TMEM178A: variants seen among roughly 807,000 people sequenced by gnomAD.
TMEM178A encodes the protein transmembrane protein 178A.
TMEM178A carries 12 observed loss-of-function variants against 29.1 expected under a neutral mutation model. That is an observed-to-expected ratio of 0.41 (90% confidence interval 0.26 to 0.67). TMEM178A has a LOEUF of 0.67. Ranked by LOEUF, TMEM178A falls within the 30% of genes least tolerant of loss-of-function variation. The probability of loss-of-function intolerance (pLI) is 0.29; values close to 1 mark genes in which losing one functional copy is unlikely to be tolerated. For missense variants in TMEM178A, 366 were observed against 419.1 expected, an observed-to-expected ratio of 0.87 and a Z score of 1.11; for synonymous variants, 210 against 187.2, an observed-to-expected ratio of 1.12 and a Z score of -0.99.
At chr2:39,715,511 A>G (rs1163142272) in intron 3 of TMEM178A, among the ~76,000 whole-genome samples, 1 of 152,178 alleles carries the variant, frequency 6.6e-6, no homozygotes, top group Admixed American at 6.5e-5. Context: ...AATTATTTCC[A>G]TCTTGATTTT....
Position 39,666,293 on chromosome 2 carries a change from C to T in TMEM178A, c.319C>T (p.Leu107Phe). The T allele has an allele frequency of 1.4e-6, 2 of 1,426,336 alleles. No individual in the cohort carries two copies. Among genetic ancestry groups the T allele is most frequent in the East Asian group, 6.3e-5 (2 of 31,786 alleles). The allele number at this position is 1,426,336 out of a possible 1,614,324, so 88.4% of individuals were successfully genotyped here. ...GCTGGACGCCGAGTGCGGCCGGCCC[C>T]TCTTCGCCACCTACTCGGGCCTCTG... ...GGLDAECGRPLFATYSGLWRK... is the reference protein window; with the variant it reads ...GGLDAECGRPFFATYSGLWRK... The change falls in exon 1 of 4, where the codon CTC becomes TTC. Residue 107 changes from leucine (L) to phenylalanine (F), a missense_variant. By Grantham distance (22) the Leu-to-Phe change is conservative. Transcript: ENST00000281961.
At chr2:39,665,895 G>C (rs1183276490), upstream of TMEM178A, 11 of 1,235,478 alleles carry the variant, frequency 8.9e-6, no homozygotes, top group Non-Finnish European at 1.0e-5. Flanking sequence ...GGGAGGGAGC[G>C]GGCGGAGAGC....
chr2:39,683,528 A>T (rs1171977181), intron 1 of TMEM178A, among the ~76,000 whole-genome samples: 6 of 152,160 alleles, frequency 3.9e-5, no homozygotes, highest in African/African-American at 1.4e-4. Flanking sequence ...ACAGGAGCTT[A>T]TCCCAGGCAG....
chr2:39,712,662 C>A (rs987701385), intron 3 of TMEM178A, among the ~76,000 whole-genome samples: 1 of 148,392 alleles, frequency 6.7e-6, no homozygotes, highest in Non-Finnish European at 1.5e-5. Context: ...GACTCAGGAA[C>A]CTCTCTCTCT....
intron 1 of TMEM178A, among the ~76,000 whole-genome samples, chr2:39,688,804 C>A (rs1375601780): frequency 6.6e-6 from 1 of 152,140 alleles, no homozygotes; most frequent in Non-Finnish European, 1.5e-5. Context: ...AGTTAACGAG[C>A]CAGCTATAGA....
chr2:39,702,589 A>C (rs559536658), intron 1 of TMEM178A, among the ~76,000 whole-genome samples: 1 of 152,136 alleles, frequency 6.6e-6, no homozygotes, highest in Non-Finnish European at 1.5e-5. Flanking sequence ...CTGACTTATA[A>C]ACAGCTAACT....
chr2:39,684,010 C>G (rs1411254225), intron 1 of TMEM178A, among the ~76,000 whole-genome samples: 1 of 152,176 alleles, frequency 6.6e-6, no homozygotes, highest in African/African-American at 2.4e-5. Flanking sequence ...ATGATCTGTT[C>G]TGTTCACGTA....
intron 3 of TMEM178A, among the ~76,000 whole-genome samples, chr2:39,714,427 A>G (rs1672446002): frequency 1.3e-5 from 2 of 152,242 alleles, no homozygotes; most frequent in Admixed American, 6.5e-5. Flanking sequence ...CAAAGGGACA[A>G]TCAGGTTTCT....
the TMEM178A span, among the ~76,000 whole-genome samples, chr2:39,724,876 G>A: frequency 3.9e-4 from 59 of 152,270 alleles, no homozygotes; most frequent in African/African-American, 1.3e-3. Flanking sequence ...CAAACATGTC[G>A]AGCAGCCTCT....
intron 1 of TMEM178A, among the ~76,000 whole-genome samples, chr2:39,700,819 G>T (rs1300450692): frequency 6.8e-6 from 1 of 147,246 alleles, no homozygotes; most frequent in South Asian, 2.3e-4. Flanking sequence ...TGTTGTTATT[G>T]TTTCATTTAC....
intron 1 of TMEM178A, among the ~76,000 whole-genome samples, chr2:39,669,111 G>T (rs538156772): frequency 6.6e-6 from 1 of 152,086 alleles, no homozygotes; most frequent in African/African-American, 2.4e-5. Context: ...AATTTTAATG[G>T]TAGGAAATGA....
In TMEM178A at chr2:39,710,895, A is replaced by C. The variant is rs142637067; in HGVS notation, c.652+3709A>C. Among the ~76,000 whole-genome samples, 464 of 152,248 alleles carry C rather than the reference A, an allele frequency of 3.0e-3. 2 individuals are homozygous for C. The highest frequency in any genetic ancestry group is 0.011 in the African/African-American group (451 of 41,540). On this transcript the variant is annotated intron_variant, in intron 3 of 3. Coordinates refer to ENST00000281961, the MANE Select transcript of TMEM178A (RefSeq NM_152390.3). ...GACAGGTTGGCTGGTTAAAATGGAAACTCTGAAACGATATTTCTCCTTCTG... is the reference window on the plus strand; with the variant it reads ...GACAGGTTGGCTGGTTAAAATGGAACCTCTGAAACGATATTTCTCCTTCTG...
intron 1 of TMEM178A, among the ~76,000 whole-genome samples, chr2:39,690,787 G>A (rs766217183): frequency 6.6e-6 from 1 of 152,200 alleles, no homozygotes; most frequent in Admixed American, 6.5e-5. Context: ...ATTCAAAATA[G>A]TTGTCTTAAA....
intron 3 of TMEM178A, among the ~76,000 whole-genome samples, chr2:39,709,191 C>T (rs117702001): frequency 6.6e-6 from 1 of 152,212 alleles, no homozygotes; most frequent in Non-Finnish European, 1.5e-5. Context: ...GTACTTTGCC[C>T]TCTGGCATGT....
chr2:39,714,031 A>G (rs1672428135), intron 3 of TMEM178A, among the ~76,000 whole-genome samples: 1 of 152,176 alleles, frequency 6.6e-6, no homozygotes, highest in African/African-American at 2.4e-5. Flanking sequence ...CCATCTCACA[A>G]ATCATTGTGG....
the TMEM178A span, among the ~76,000 whole-genome samples, chr2:39,732,276 C>T: frequency 1.3e-5 from 2 of 152,170 alleles, no homozygotes; most frequent in African/African-American, 4.8e-5. Context: ...CCATATTTGA[C>T]TTCTTTTCTC....
intron 1 of TMEM178A, among the ~76,000 whole-genome samples, chr2:39,686,963 A>ATGTGTG (rs4015737): frequency 7.5e-5 from 9 of 120,328 alleles, no homozygotes; most frequent in Middle Eastern, 8.8e-3. Flanking sequence ...GCACATATGC[A>ATGTGTG]TGTGTGTGTG....
the TMEM178A span, among the ~76,000 whole-genome samples, chr2:39,729,929 CT>C: frequency 9.3e-3 from 1,415 of 152,252 alleles, 24 homozygotes; most frequent in South Asian, 0.048. Flanking sequence ...CTTGGATTAC[CT>C]TTTTCCCTAT....
At chr2:39,669,129 A>T (rs1032230294) in intron 1 of TMEM178A, among the ~76,000 whole-genome samples, 7 of 152,182 alleles carry the variant, frequency 4.6e-5, no homozygotes, top group African/African-American at 9.6e-5. Flanking sequence ...TGAAAAGTTT[A>T]TTCAGATGGG....
Sources: gnomAD v4.1 joint callset for allele counts (sites outside exome capture counted in the v4.1 genomes callset) on GRCh38, gnomAD v4.1.1 for gene constraint, MANE v1.5 for transcripts, NCBI Gene and HGNC (gene_info 2026-07-23, HGNC 2026-07-21) for gene names.